NRG1: variants seen among roughly 807,000 people sequenced by gnomAD.
The protein encoded by NRG1 is pro-neuregulin-1, membrane-bound isoform.
Under a neutral mutation model 63.8 loss-of-function variants are expected in NRG1, and 18 were observed. That is an observed-to-expected ratio of 0.28 (90% CI 0.19 to 0.42). NRG1 has a LOEUF of 0.42. NRG1 is among the 10% of genes least tolerant of loss of function. The probability of loss-of-function intolerance (pLI) is 1.00; values close to 1 mark genes in which losing one functional copy is unlikely to be tolerated. For synonymous variants in NRG1, 302 were observed against 301.3 expected (o/e 1.00, Z -0.02); for missense variants, 762 against 814.7 (o/e 0.94, Z 0.79).
At chr8:32,726,403 C>G (rs538902644) in intron 5 of NRG1, among the ~76,000 whole-genome samples, 51 of 151,974 alleles carry the variant, frequency 3.4e-4, no homozygotes, top group Non-Finnish European at 3.4e-4. Context: ...CCCCTCTTTT[C>G]TTAATGGGAA....
chr8:31,882,114 G>A (rs559193168), intron 1 of NRG1, among the ~76,000 whole-genome samples: 1 of 151,958 alleles, frequency 6.6e-6, no homozygotes, highest in South Asian at 2.1e-4. Flanking sequence ...CAAGGGACAG[G>A]CTATCTTGTT....
intron 1 of NRG1, among the ~76,000 whole-genome samples, chr8:32,295,621 C>G (rs1156961508): frequency 6.6e-6 from 1 of 152,056 alleles, no homozygotes; most frequent in Non-Finnish European, 1.5e-5. Flanking sequence ...TTTGGTCTTT[C>G]TATCTCCAGG....
At chr8:32,062,259 C>T (rs963244191) in intron 1 of NRG1, among the ~76,000 whole-genome samples, 3 of 152,092 alleles carry the variant, frequency 2.0e-5, no homozygotes, top group African/African-American at 4.8e-5. Flanking sequence ...CCTGCTTCCT[C>T]ATGGGAAGAA....
chr8:31,795,852 G>GATTAAAATA (rs1322749618), intron 1 of NRG1, among the ~76,000 whole-genome samples: 2 of 152,128 alleles, frequency 1.3e-5, no homozygotes, highest in Admixed American at 6.5e-5. Context: ...CAGATTTAAT[G>GATTAAAATA]ATTAAAATAA....
intron 1 of NRG1, among the ~76,000 whole-genome samples, chr8:31,663,492 A>T (rs1044356420): frequency 4.6e-5 from 7 of 152,102 alleles, no homozygotes; most frequent in Admixed American, 2.0e-4. Flanking sequence ...TTAGCTGTGG[A>T]TGAGGGTGTA....
In NRG1 at chr8:32,716,821, C is replaced by T. The variant is rs200331128; in HGVS notation, c.503-11128C>T. 2.7e-4 allele frequency among the ~76,000 whole-genome samples: 40 copies of T among 149,946 alleles called. No homozygotes were observed. In the Middle Eastern group the frequency reaches 0.01, roughly 38 times the overall value. Reference sequence around the variant, plus strand: ...GTGTGCATGTGTGTGTGTGCATGTGCGTGTGTGTGTGTGTGTGTGTGCATA... The same window carrying T: ...GTGTGCATGTGTGTGTGTGCATGTGTGTGTGTGTGTGTGTGTGTGTGCATA... On this transcript the variant is annotated intron_variant, in intron 5 of 11. Coordinates refer to ENST00000356819, the Ensembl canonical transcript of NRG1.
exon 12 of NRG1, chr8:32,763,814 C>T: frequency 6.2e-7 from 1 of 1,604,582 alleles, no homozygotes; most frequent in African/African-American, 1.3e-5. Flanking sequence ...CAAGCTCCCC[C>T]AAATCGCCCC....
At chr8:32,039,642 A>G (rs1819616963) in intron 1 of NRG1, among the ~76,000 whole-genome samples, 1 of 152,196 alleles carries the variant, frequency 6.6e-6, no homozygotes, top group African/African-American at 2.4e-5. Flanking sequence ...TAAGAAAGTA[A>G]TTGAATTTAA....
chr8:32,016,320 G>A (rs1206521771), intron 1 of NRG1, among the ~76,000 whole-genome samples: 2 of 152,010 alleles, frequency 1.3e-5, no homozygotes, highest in African/African-American at 2.4e-5. Context: ...GCCTCAGTCT[G>A]CCAAAGTGCT....
At chr8:31,976,964 T>C (rs1586206248) in intron 1 of NRG1, among the ~76,000 whole-genome samples, 2 of 152,276 alleles carry the variant, frequency 1.3e-5, no homozygotes, top group East Asian at 1.9e-4. Context: ...AGATGAAATG[T>C]TTGTGGTTTG....
At chr8:31,898,513 C>T (rs1831792921) in intron 1 of NRG1, among the ~76,000 whole-genome samples, 1 of 152,006 alleles carries the variant, frequency 6.6e-6, no homozygotes, top group Admixed American at 6.6e-5. Flanking sequence ...AAAATGTGTT[C>T]TGATCTGCTG....
At chr8:31,786,801 G>C (rs865946719) in intron 1 of NRG1, among the ~76,000 whole-genome samples, 1 of 152,104 alleles carries the variant, frequency 6.6e-6, no homozygotes, top group Non-Finnish European at 1.5e-5. Flanking sequence ...TTCCTGGGTG[G>C]GCCGTCCTCC....
At chr8:32,320,836 T>C (rs1381352194) in intron 1 of NRG1, among the ~76,000 whole-genome samples, 1 of 152,166 alleles carries the variant, frequency 6.6e-6, no homozygotes, top group African/African-American at 2.4e-5. Flanking sequence ...ATGGTCTTGG[T>C]TTTAAATTTC....
intron 1 of NRG1, among the ~76,000 whole-genome samples, chr8:32,454,944 G>T (rs977252377): frequency 6.6e-6 from 1 of 152,100 alleles, no homozygotes; most frequent in Non-Finnish European, 1.5e-5. Context: ...AAGTTTAGAT[G>T]TATAAATACT....
At chr8:32,343,573 A>C (rs540365825) in intron 1 of NRG1, among the ~76,000 whole-genome samples, 27 of 152,318 alleles carry the variant, frequency 1.8e-4, no homozygotes, top group Middle Eastern at 3.4e-3. Flanking sequence ...TAATAAGCAG[A>C]TTTGCAGAGC....
chr8:31,654,312 T>A (rs1369170845), intron 1 of NRG1, among the ~76,000 whole-genome samples: 1 of 152,234 alleles, frequency 6.6e-6, no homozygotes, highest in Admixed American at 6.5e-5. Context: ...ATAGAACCAG[T>A]TCATCCCAGG....
chr8:32,029,908 G>A (rs28437530), intron 1 of NRG1, among the ~76,000 whole-genome samples: 20,328 of 151,108 alleles, frequency 0.13, 4,531 homozygotes, highest in African/African-American at 0.46. Flanking sequence ...ATTCAGCTTT[G>A]TATTATCATT....
chr8:32,131,429 T>G (rs1422808773), intron 1 of NRG1, among the ~76,000 whole-genome samples: 1 of 152,042 alleles, frequency 6.6e-6, no homozygotes. Context: ...ATTTTTCATC[T>G]TCATGTTGAG....
At chr8:32,069,339 AGCACG>A (rs1409547446) in intron 1 of NRG1, among the ~76,000 whole-genome samples, 2 of 152,230 alleles carry the variant, frequency 1.3e-5, no homozygotes, top group African/African-American at 4.8e-5. Context: ...AATATCATTG[AGCACG>A]GGCTTTGAGG....
Sources: gnomAD v4.1 joint callset for allele counts (sites outside exome capture counted in the v4.1 genomes callset) on GRCh38, gnomAD v4.1.1 for gene constraint, MANE v1.5 for transcripts, NCBI Gene and HGNC (gene_info 2026-07-23, HGNC 2026-07-21) for gene names.